BNC2: variants seen among roughly 807,000 people sequenced by gnomAD.
BNC2 encodes basonuclin zinc finger protein 2.
In BNC2, 20 loss-of-function variants were observed where a neutral mutation model predicts 76.3. The observed-to-expected ratio is 0.26, with a 90% confidence interval of 0.18 to 0.38. The LOEUF (loss-of-function observed/expected upper bound fraction) is 0.38. BNC2 is among the 10% of genes least tolerant of loss of function. The pLI is 1.00. For synonymous variants in BNC2, 582 were observed against 514.8 expected (o/e 1.13, Z -1.77); for missense variants, 1,382 against 1,399.8 (o/e 0.99, Z 0.20).
At chr9:16,595,080 C>T (rs1463262469) in intron 3 of BNC2, among the ~76,000 whole-genome samples, 1 of 152,054 alleles carries the variant, frequency 6.6e-6, no homozygotes, top group Non-Finnish European at 1.5e-5. Context: ...TGACCCAGCA[C>T]AGTATTTTAT....
At position 16,570,618 on chromosome 9, in the gene BNC2, C is replaced by T. The variant is rs569853387; in HGVS notation, c.433+12365G>A. The stretch of plus-strand genomic sequence containing the variant: ...AGGGCTTAGGAAAAGTCTAACCTAA[C>T]GAAATCTTAAATGCACAAGTAGAAA... On this transcript the variant is annotated intron_variant, in intron 4 of 6. Coordinates refer to ENST00000380672, the MANE Select transcript of BNC2 (RefSeq NM_017637.6). 5.9e-5 allele frequency among the ~76,000 whole-genome samples: 9 copies of T among 152,254 alleles called. No homozygotes were observed. In the South Asian group the frequency reaches 1.0e-3, roughly 18 times the overall value.
At chr9:16,699,248 AAGTCCCT>A (rs1823437494) in intron 3 of BNC2, 1 of 469,640 alleles carries the variant, frequency 2.1e-6, no homozygotes, top group Admixed American at 2.4e-5. Context: ...TGCAACAAAA[AAGTCCCT>A]TATAGAAGCA....
Position 16,420,513 on chromosome 9 carries a change from G to C in BNC2, c.2640-864C>G, listed in dbSNP as rs569251080. Among the ~76,000 whole-genome samples, 6 of 151,708 alleles carry C rather than the reference G, an allele frequency of 4.0e-5. No individual in the cohort carries two copies. The East Asian group carries it at 9.7e-4, about 25-fold the overall frequency. On this transcript the variant is annotated intron_variant, in intron 6 of 6. Coordinates refer to ENST00000380672, the MANE Select transcript of BNC2 (RefSeq NM_017637.6). Reference sequence around the variant, plus strand: ...TTAAAAAAAATCACACTGAACAACAGAAAGAAAACTCAGAGGTACAAAAAT... The same window carrying C: ...TTAAAAAAAATCACACTGAACAACACAAAGAAAACTCAGAGGTACAAAAAT...
intron 5 of BNC2, among the ~76,000 whole-genome samples, chr9:16,442,978 G>A (rs190298221): frequency 2.3e-3 from 354 of 150,730 alleles, no homozygotes; most frequent in African/African-American, 8.4e-3. Flanking sequence ...TGTGGCAGAG[G>A]GCACCTCTAA....
chr9:16,780,237 AAAAAAAAAAAAAAAAAAAAC>A (rs1484842636), intron 1 of BNC2, among the ~76,000 whole-genome samples: 5 of 98,792 alleles, frequency 5.1e-5, no homozygotes, highest in Non-Finnish European at 1.8e-5. Flanking sequence ...CTTCGTTTCA[AAAAAAAAAAAAAAAAAAAAC>A]AAAAAAAAAC....
chr9:16,589,306 CTCCCAA>C (rs1218797261), intron 3 of BNC2, among the ~76,000 whole-genome samples: 4 of 152,038 alleles, frequency 2.6e-5, no homozygotes, highest in African/African-American at 9.7e-5. Flanking sequence ...CCACCTCAGC[CTCCCAA>C]GTAGCTGGGA....
At chr9:16,499,697 C>G (rs10810572) in intron 5 of BNC2, among the ~76,000 whole-genome samples, 1 of 151,178 alleles carries the variant, frequency 6.6e-6, no homozygotes, top group African/African-American at 2.4e-5. Context: ...GTCTGGCTAA[C>G]TTTTTGAATT....
chr9:16,868,900 G>A (rs1168980474), intron 1 of BNC2, among the ~76,000 whole-genome samples: 4 of 152,208 alleles, frequency 2.6e-5, no homozygotes, highest in South Asian at 4.1e-4. Flanking sequence ...TAACGTGCCA[G>A]AAATAAATTC....
intron 3 of BNC2, among the ~76,000 whole-genome samples, chr9:16,606,961 T>C (rs1005928983): frequency 2.0e-5 from 3 of 151,164 alleles, no homozygotes; most frequent in East Asian, 2.0e-4. Context: ...ACTAACACAT[T>C]TATTGAGGCA....
At chr9:16,532,631 T>C (rs1056170926) in intron 5 of BNC2, among the ~76,000 whole-genome samples, 2 of 152,110 alleles carry the variant, frequency 1.3e-5, no homozygotes, top group Non-Finnish European at 2.9e-5. Context: ...TTTAGAAACA[T>C]GCAATGAAAA....
chr9:16,810,188 T>A (rs574148371), intron 1 of BNC2, among the ~76,000 whole-genome samples: 77 of 152,220 alleles, frequency 5.1e-4, no homozygotes, highest in Non-Finnish European at 8.8e-4. Flanking sequence ...ATATGAATTG[T>A]CCCTGACCTG....
At chr9:16,463,735 C>G (rs1821640203) in intron 5 of BNC2, among the ~76,000 whole-genome samples, 1 of 152,046 alleles carries the variant, frequency 6.6e-6, no homozygotes, top group Non-Finnish European at 1.5e-5. Context: ...CTAATTCCTC[C>G]TCCAACTACA....
chr9:16,750,175 C>G (rs1268805604), intron 1 of BNC2, among the ~76,000 whole-genome samples: 1 of 151,772 alleles, frequency 6.6e-6, no homozygotes, highest in Non-Finnish European at 1.5e-5. Context: ...AATTTTAGCT[C>G]TAAGGGAAAA....
rs990365019 is a variant in BNC2 at position 16,416,370 on chromosome 9, C to T, written c.*2619G>A. ...ATCTAACCATTTGGTAATGGGGCAA[C>T]AGCACAACACAGAGAACGCTGAGAG... On this transcript the variant is annotated 3_prime_UTR_variant, in exon 7 of 7. Transcript: ENST00000380672. 3.9e-5 allele frequency: 6 copies of T among 152,590 alleles called. No individual in the cohort carries two copies. The highest frequency in any genetic ancestry group is 8.8e-5 in the Non-Finnish European group (6 of 68,040). 9.5% of individuals were successfully genotyped at this position (152,590 alleles called of 1,614,324 possible). A position where few individuals can be genotyped will look rare whatever the true frequency, so the allele number is the denominator to read the frequency against.
At chr9:16,763,646 C>T (rs1825614682) in intron 1 of BNC2, among the ~76,000 whole-genome samples, 1 of 152,104 alleles carries the variant, frequency 6.6e-6, no homozygotes, top group African/African-American at 2.4e-5. Flanking sequence ...ATAAAACATA[C>T]AGCATGAAGG....
chr9:16,644,229 A>C (rs553061625), intron 3 of BNC2, among the ~76,000 whole-genome samples: 1 of 152,252 alleles, frequency 6.6e-6, no homozygotes, highest in African/African-American at 2.4e-5. Context: ...AGGGGCAAGA[A>C]GAGGAAAAGA....
chr9:16,647,699 A>G (rs1184437725), intron 3 of BNC2, among the ~76,000 whole-genome samples: 3 of 152,180 alleles, frequency 2.0e-5, no homozygotes, highest in African/African-American at 7.2e-5. Context: ...TTTTTCAAGT[A>G]AAATATAAGA....
intron 5 of BNC2, among the ~76,000 whole-genome samples, chr9:16,461,764 C>G (rs1587055667): frequency 6.6e-6 from 1 of 152,308 alleles, no homozygotes. Context: ...CGTGGTTTTA[C>G]ATACCTACTG....
chr9:16,470,936 T>C (rs1821810210), intron 5 of BNC2, among the ~76,000 whole-genome samples: 1 of 152,192 alleles, frequency 6.6e-6, no homozygotes, highest in Non-Finnish European at 1.5e-5. Flanking sequence ...CACCGACCTT[T>C]AGACCCGAGA....
Sources: allele counts gnomAD v4.1 joint callset (sites outside exome capture counted in the v4.1 genomes callset), GRCh38; gene constraint gnomAD v4.1.1; transcripts MANE v1.5; gene names NCBI Gene and HGNC (gene_info 2026-07-23, HGNC 2026-07-21).